The following LRP1B variants were observed in gnomAD, a reference collection of about 807,000 sequenced individuals.
LRP1B encodes the protein LDL receptor related protein 1B.
Under a neutral mutation model 556.6 loss-of-function variants are expected in LRP1B, and 217 were observed. The ratio of observed to expected loss-of-function variants is 0.39; its 90% CI spans 0.35 to 0.44. LRP1B has a LOEUF of 0.44. Among genes scored for constraint, LRP1B ranks in the 20% least tolerant of loss-of-function variants. The pLI is 1.00. For missense variants in LRP1B, 5,053 were observed against 5,620.8 expected, an observed-to-expected ratio of 0.90 and a Z score of 3.23; for synonymous variants, 2,047 against 1,865.8, an observed-to-expected ratio of 1.10 and a Z score of -2.50.
At chr2:141,190,239 A>T (rs192512854) in intron 6 of LRP1B, among the ~76,000 whole-genome samples, 42 of 152,112 alleles carry the variant, frequency 2.8e-4, no homozygotes, top group Middle Eastern at 3.4e-3. Context: ...TTGGAGTCGT[A>T]TACTCTGTGG....
chr2:140,256,148 T>C (rs1009927337), intron 86 of LRP1B, among the ~76,000 whole-genome samples: 1 of 152,146 alleles, frequency 6.6e-6, no homozygotes, highest in Non-Finnish European at 1.5e-5. Context: ...ATGATTATTT[T>C]AAATTTAAGT....
At chr2:140,390,273 A>T (rs187779120) in intron 66 of LRP1B, among the ~76,000 whole-genome samples, 1 of 152,344 alleles carries the variant, frequency 6.6e-6, no homozygotes, top group African/African-American at 2.4e-5. Flanking sequence ...AAGAGAATGT[A>T]CTATTGGACA....
At chr2:141,589,025 T>C (rs1687235514) in intron 2 of LRP1B, among the ~76,000 whole-genome samples, 1 of 152,128 alleles carries the variant, frequency 6.6e-6, no homozygotes, top group Non-Finnish European at 1.5e-5. Context: ...TTTTAAAGGA[T>C]GATTTTGAAA....
intron 3 of LRP1B, among the ~76,000 whole-genome samples, chr2:141,276,525 T>C (rs1397166238): frequency 6.6e-6 from 1 of 152,136 alleles, no homozygotes; most frequent in Non-Finnish European, 1.5e-5. Flanking sequence ...TTAACTCCCA[T>C]TTACTAGTGA....
chr2:142,126,302 T>C (rs1440152028), intron 1 of LRP1B, among the ~76,000 whole-genome samples: 1 of 151,742 alleles, frequency 6.6e-6, no homozygotes, highest in African/African-American at 2.4e-5. Context: ...CATGTTTATC[T>C]GGAGTTTTCA....
chr2:142,118,404 G>A (rs1159530324), intron 1 of LRP1B, among the ~76,000 whole-genome samples: 1 of 152,112 alleles, frequency 6.6e-6, no homozygotes, highest in East Asian at 1.9e-4. Flanking sequence ...TGTCTCCCCA[G>A]CTTCACAGCT....
intron 32 of LRP1B, among the ~76,000 whole-genome samples, chr2:140,782,823 T>C (rs1689748013): frequency 6.6e-6 from 1 of 152,150 alleles, no homozygotes; most frequent in Admixed American, 6.6e-5. Context: ...ATTGAGTAAA[T>C]ACAATTGTCT....
chr2:140,574,945 C>T (rs1681463131), intron 43 of LRP1B, among the ~76,000 whole-genome samples: 2 of 151,942 alleles, frequency 1.3e-5, no homozygotes, highest in Admixed American at 6.6e-5. Flanking sequence ...GCTAGCTTGC[C>T]CTTGCACATA....
At chr2:141,440,238 T>C (rs760847180) in intron 3 of LRP1B, among the ~76,000 whole-genome samples, 1 of 152,228 alleles carries the variant, frequency 6.6e-6, no homozygotes, top group African/African-American at 2.4e-5. Context: ...CCGGCCCTCC[T>C]GCTCCAGGGA....
At chr2:141,196,715 GTTT>G (rs375183335) in intron 6 of LRP1B, among the ~76,000 whole-genome samples, 3 of 152,074 alleles carry the variant, frequency 2.0e-5, no homozygotes, top group African/African-American at 7.2e-5. Flanking sequence ...ATTCTAGTCA[GTTT>G]TTTATTGTTG....
rs768253501 is a variant in LRP1B, at chr2:140,506,769, C to T, written c.8521+27G>A. ...TGAAAGACTCTTAGCCTAGGAATCT[C>T]CTTCATGAAGTTTTAGATGTACTTA... On this transcript the variant is annotated intron_variant, in intron 53 of 90. Coordinates refer to ENST00000389484, the MANE Select transcript of LRP1B (RefSeq NM_018557.3). 3 of 1,596,418 alleles carry T rather than the reference C, an allele frequency of 1.9e-6. No individual in the cohort carries two copies. The South Asian group carries it at 3.4e-5, about 18-fold the overall frequency.
At chr2:140,841,589 AT>A (rs768414111) in intron 29 of LRP1B, among the ~76,000 whole-genome samples, 11 of 152,206 alleles carry the variant, frequency 7.2e-5, no homozygotes, top group Non-Finnish European at 1.5e-4. Context: ...AAAATAGATA[AT>A]TAAGAGGAAT....
chr2:141,853,165 TCTAC>T (rs1697923013), intron 1 of LRP1B, among the ~76,000 whole-genome samples: 1 of 151,570 alleles, frequency 6.6e-6, no homozygotes, highest in East Asian at 1.9e-4. Flanking sequence ...ATCTACAGAT[TCTAC>T]AAAGCTGTTT....
intron 1 of LRP1B, among the ~76,000 whole-genome samples, chr2:142,055,717 G>T (rs148504291): frequency 1.3e-5 from 2 of 152,228 alleles, no homozygotes; most frequent in Non-Finnish European, 2.9e-5. Context: ...ACATGTCCTT[G>T]AAGCACTGAA....
At chr2:141,373,698 C>T (rs983045042) in intron 3 of LRP1B, among the ~76,000 whole-genome samples, 1 of 151,748 alleles carries the variant, frequency 6.6e-6, no homozygotes, top group African/African-American at 2.4e-5. Context: ...AGATCCTTTT[C>T]TTTATGTCCA....
chr2:141,928,496 T>C (rs939792444), intron 1 of LRP1B, among the ~76,000 whole-genome samples: 2 of 152,128 alleles, frequency 1.3e-5, no homozygotes, highest in Non-Finnish European at 2.9e-5. Flanking sequence ...TTGTAATTTG[T>C]TAATGCTTAT....
intron 1 of LRP1B, among the ~76,000 whole-genome samples, chr2:142,035,501 T>C (rs891559721): frequency 6.6e-5 from 10 of 151,548 alleles, no homozygotes; most frequent in Admixed American, 1.3e-4. Context: ...TTCTAATGTG[T>C]AGCTTGATTA....
chr2:141,953,743 A>C (rs1003093743), intron 1 of LRP1B, among the ~76,000 whole-genome samples: 1 of 152,124 alleles, frequency 6.6e-6, no homozygotes, highest in Non-Finnish European at 1.5e-5. Flanking sequence ...AAAACTCCAC[A>C]GTAACATACT....
intron 47 of LRP1B, among the ~76,000 whole-genome samples, chr2:140,529,039 T>C (rs542600820): frequency 6.6e-6 from 1 of 152,024 alleles, no homozygotes; most frequent in South Asian, 2.1e-4. Context: ...AATGAAATAA[T>C]AGGGTCCAAA....
Sources: gnomAD v4.1 joint callset for allele counts (sites outside exome capture counted in the v4.1 genomes callset) on GRCh38, gnomAD v4.1.1 for gene constraint, MANE v1.5 for transcripts, NCBI Gene and HGNC (gene_info 2026-07-23, HGNC 2026-07-21) for gene names.